HIPK2: variants seen among roughly 807,000 people sequenced by gnomAD.
HIPK2 encodes the protein homeodomain-interacting protein kinase 2.
Under a neutral mutation model 113.7 loss-of-function variants are expected in HIPK2, and 27 were observed. The ratio of observed to expected loss-of-function variants is 0.24; its 90% CI spans 0.17 to 0.33. The LOEUF (loss-of-function observed/expected upper bound fraction) is 0.33. HIPK2 is among the 10% of genes least tolerant of loss of function. The pLI is 1.00. For missense variants in HIPK2, 1,257 were observed against 1,588.0 expected (o/e 0.79, Z 3.54); for synonymous variants, 631 against 642.2 (o/e 0.98, Z 0.26).
intron 2 of HIPK2, among the ~76,000 whole-genome samples, chr7:139,697,133 T>C (rs1439041541): frequency 6.6e-6 from 1 of 152,212 alleles, no homozygotes; most frequent in Non-Finnish European, 1.5e-5. Flanking sequence ...GGATCAGTCC[T>C]TCTTGTAAGA....
chr7:139,631,689 C>T lies in HIPK2; in HGVS notation c.1140G>A (p.Glu380=). The T allele has an allele frequency of 1.9e-6, 3 of 1,613,960 alleles. No homozygotes were observed. The highest frequency in any genetic ancestry group is 2.5e-6 in the Non-Finnish European group (3 of 1,179,850). ...PEIILGLPFC[E]AIDMWSLGCV... ...AGCCCAGGGACCACATGTCAATTGC[C>T]TCACAAAATGGTAAACCAAGGATGA... The change falls in exon 3 of 15, where the codon GAG becomes GAA. Residue 380 remains glutamate (E), a synonymous_variant. Coordinates refer to ENST00000406875, the MANE Select transcript of HIPK2 (RefSeq NM_022740.5). The surrounding 1 kb of genome is among the most constrained non-coding windows in gnomAD (Gnocchi z 4.9).
chr7:139,623,292 C>T (rs939087403), intron 6 of HIPK2, among the ~76,000 whole-genome samples: 2 of 152,032 alleles, frequency 1.3e-5, no homozygotes, highest in African/African-American at 4.8e-5. Flanking sequence ...GGGCAGATCA[C>T]CTGAGGTCAG....
intron 1 of HIPK2, among the ~76,000 whole-genome samples, chr7:139,748,267 C>CT (rs1262423653): frequency 6.6e-6 from 1 of 152,154 alleles, no homozygotes; most frequent in Non-Finnish European, 1.5e-5. Context: ...CCGATGGAAA[C>CT]TTTAACCAAA....
intron 1 of HIPK2, among the ~76,000 whole-genome samples, chr7:139,733,238 C>G (rs1795846414): frequency 6.6e-6 from 1 of 152,104 alleles, no homozygotes; most frequent in Non-Finnish European, 1.5e-5. Context: ...TTATAAATTA[C>G]CCAGACTCAG....
intron 2 of HIPK2, among the ~76,000 whole-genome samples, chr7:139,647,245 T>A (rs1037651994): frequency 1.3e-5 from 2 of 152,064 alleles, no homozygotes; most frequent in Admixed American, 1.3e-4. Context: ...CAGCCTTGTC[T>A]ACTGGGGTGA....
At position 139,735,385 on chromosome 7, in the gene HIPK2, T is replaced by C. The variant is rs549383063; in HGVS notation, c.20-18370A>G. Among the ~76,000 whole-genome samples the C allele has an allele frequency of 2.0e-5, 3 of 152,294 alleles. 1 individual carries two copies. Among genetic ancestry groups the C allele is most frequent in the African/African-American group, 4.8e-5 (2 of 41,562 alleles). Reference sequence around the variant, plus strand: ...TGATTCAGATTGATCCATCAGCCTTTTATAGAATTAGTTAGTATGAACCAG... The same window carrying C: ...TGATTCAGATTGATCCATCAGCCTTCTATAGAATTAGTTAGTATGAACCAG... On this transcript the variant is annotated intron_variant, in intron 1 of 14. Coordinates refer to ENST00000406875, the MANE Select transcript of HIPK2 (RefSeq NM_022740.5).
At chr7:139,649,484 A>C (rs1187798333) in intron 2 of HIPK2, among the ~76,000 whole-genome samples, 1 of 152,102 alleles carries the variant, frequency 6.6e-6, no homozygotes, top group East Asian at 1.9e-4. Flanking sequence ...TTCAGGCAAA[A>C]TCTGGTTAAA....
At chr7:139,746,619 T>C (rs1383081589) in intron 1 of HIPK2, among the ~76,000 whole-genome samples, 1 of 152,172 alleles carries the variant, frequency 6.6e-6, no homozygotes, top group African/African-American at 2.4e-5. Flanking sequence ...ATGCTGCACA[T>C]GTGGCACAAG....
At chr7:139,615,331 G>T (rs140278931) in intron 7 of HIPK2, among the ~76,000 whole-genome samples, 107 of 152,336 alleles carry the variant, frequency 7.0e-4, no homozygotes, top group African/African-American at 2.4e-3. Context: ...TGCATCCCAT[G>T]CATTCATGTT....
At chr7:139,705,826 TAAAAAAAAA>T (rs1010543995) in intron 2 of HIPK2, among the ~76,000 whole-genome samples, 1 of 105,348 alleles carries the variant, frequency 9.5e-6, no homozygotes, top group African/African-American at 3.6e-5. Context: ...AAAAGATTAG[TAAAAAAAAA>T]AAAAAAAAAG....
Position 139,680,858 on chromosome 7 carries a change from G to A in HIPK2, c.1103+35074C>T, listed in dbSNP as rs182948139. 1.2e-3 allele frequency among the ~76,000 whole-genome samples: 182 copies of A among 152,282 alleles called. 3 individuals carry two copies. Among genetic ancestry groups the A allele is most frequent in the African/African-American group, 4.2e-3 (175 of 41,550 alleles). Reference sequence around the variant, plus strand: ...TGTTGTCTGAGGCCAGCTTCCACAGGGCTGCCATCAGTCAGCCCATTACTC... The same window carrying A: ...TGTTGTCTGAGGCCAGCTTCCACAGAGCTGCCATCAGTCAGCCCATTACTC... On this transcript the variant is annotated intron_variant, in intron 2 of 14. Coordinates refer to ENST00000406875, the MANE Select transcript of HIPK2 (RefSeq NM_022740.5).
chr7:139,770,006 C>T (rs1045772919), intron 1 of HIPK2, among the ~76,000 whole-genome samples: 1 of 152,182 alleles, frequency 6.6e-6, no homozygotes, highest in African/African-American at 2.4e-5. Flanking sequence ...TGCATTCTCT[C>T]TTGGTGCTCC....
chr7:139,737,641 G>A (rs1016156979), intron 1 of HIPK2, among the ~76,000 whole-genome samples: 38 of 152,272 alleles, frequency 2.5e-4, no homozygotes, highest in African/African-American at 7.5e-4. Context: ...GTTTGGGGCC[G>A]GAAGCTCCCC....
rs796743749 is a variant in HIPK2 at position 139,639,348 on chromosome 7, C to T, written c.1104-7623G>A. ...CTTCAGGGAAGCTCATTCTGACAGTCATTCTGAGCCAGAATTTGTTTCAAG... is the reference window on the plus strand; with the variant it reads ...CTTCAGGGAAGCTCATTCTGACAGTTATTCTGAGCCAGAATTTGTTTCAAG... On this transcript the variant is annotated intron_variant, in intron 2 of 14. Coordinates refer to ENST00000406875, the MANE Select transcript of HIPK2 (RefSeq NM_022740.5). 2.0e-5 allele frequency among the ~76,000 whole-genome samples: 3 copies of T among 152,324 alleles called. No individual in the cohort carries two copies. In the South Asian group the frequency reaches 6.2e-4, roughly 32 times the overall value.
intron 1 of HIPK2, among the ~76,000 whole-genome samples, chr7:139,736,173 C>G (rs921971645): frequency 6.6e-6 from 1 of 151,938 alleles, no homozygotes; most frequent in Non-Finnish European, 1.5e-5. Flanking sequence ...ATCTGAGAGG[C>G]GATAGGAACC....
intron 2 of HIPK2, among the ~76,000 whole-genome samples, chr7:139,712,973 G>C (rs1428392416): frequency 6.6e-6 from 1 of 152,200 alleles, no homozygotes; most frequent in Non-Finnish European, 1.5e-5. Context: ...TTTGGAACCA[G>C]GGCTGGGCAC....
At position 139,631,060 on chromosome 7, in the gene HIPK2, GCCC is replaced by G; in HGVS notation, c.1347+102_1347+104del. The G allele has an allele frequency of 7.1e-7, 1 of 1,414,468 alleles. No homozygotes were observed. Among genetic ancestry groups the G allele is most frequent in the Non-Finnish European group, 9.5e-7 (1 of 1,056,064 alleles). The allele number at this position is 1,414,468 out of a possible 1,614,324, so 87.6% of individuals were successfully genotyped here. A position where few individuals can be genotyped will look rare whatever the true frequency, so the allele number is the denominator to read the frequency against. Reference sequence around the variant, plus strand: ...ATGTATTAACAACAGCACCCCCAGTGCCCTCATTTTGCTGACTGAATCAAAAGC... The same window carrying G: ...ATGTATTAACAACAGCACCCCCAGTGTCATTTTGCTGACTGAATCAAAAGC... On this transcript the variant is annotated intron_variant, in intron 4 of 14. Coordinates refer to ENST00000406875, the MANE Select transcript of HIPK2 (RefSeq NM_022740.5). This position sits in a 1 kb window ranked among gnomAD's most constrained non-coding sequence, Gnocchi z 4.9.
chr7:139,679,583 TG>T (rs145347624), intron 2 of HIPK2, among the ~76,000 whole-genome samples: 2 of 152,166 alleles, frequency 1.3e-5, no homozygotes, highest in Admixed American at 6.5e-5. Context: ...CAATACCTGA[TG>T]GGGGGAAAAT....
At chr7:139,573,717 C>T (rs1442250080) in intron 14 of HIPK2, among the ~76,000 whole-genome samples, 1 of 151,982 alleles carries the variant, frequency 6.6e-6, no homozygotes, top group Non-Finnish European at 1.5e-5. Context: ...GTGGCACGTG[C>T]CTTGTCTGTA....
Sources: gnomAD v4.1 joint callset for allele counts (sites outside exome capture counted in the v4.1 genomes callset) on GRCh38, gnomAD v4.1.1 for gene constraint, Gnocchi (gnomAD v3.1) non-coding constraint, MANE v1.5 for transcripts, NCBI Gene and HGNC (gene_info 2026-07-23, HGNC 2026-07-21) for gene names.